Variants in ACAA1 observed in about 807,000 individuals in gnomAD.
ACAA1 encodes 3-ketoacyl-CoA thiolase, peroxisomal.
ACAA1 carries 44 observed loss-of-function variants against 48.8 expected under a neutral mutation model. That is an observed-to-expected ratio of 0.90 (90% CI 0.71 to 1.16). The LOEUF (loss-of-function observed/expected upper bound fraction) is 1.16, where lower values mean the gene tolerates loss of function less well. Among genes scored for constraint, ACAA1 ranks in the 50% most tolerant of loss-of-function variants. The pLI, the probability that ACAA1 is intolerant of heterozygous loss-of-function variation, is 0.00. For missense variants in ACAA1, 512 were observed against 562.3 expected (o/e 0.91, Z 0.90); for synonymous variants, 233 against 226.5 (o/e 1.03, Z -0.26).
At chr3:38,123,183 G>A in intron 11 of ACAA1, 61 bp from the exon 12 acceptor site, 1 of 1,529,540 alleles carries the variant, frequency 6.5e-7, no homozygotes, top group Non-Finnish European at 9.1e-7. Context: ...TCCAGACCAG[G>A]CTGACCCAGA....
chr3:38,125,585 C>T lies in ACAA1; in HGVS notation c.1179G>A (p.Glu393=). Residue 393 remains glutamate, a synonymous_variant, in exon 11 of 12, where the codon GAG becomes GAA. Transcript: ENST00000333167. The stretch of plus-strand genomic sequence containing the variant: ...CTTACCTCTTCCCACGGCGCTTCAG[C>T]TCATTGAGCAGCGTGATGACCTGTC... ...GARQVITLLN[E]LKRRGKRAYG... is the part of the protein sequence containing the mutation. 6.4e-7 allele frequency: 1 copy of T among 1,570,292 alleles called. No individual in the cohort carries two copies. The highest frequency in any genetic ancestry group is 8.6e-7 in the Non-Finnish European group (1 of 1,158,462).
intron 2 of ACAA1, among the ~76,000 whole-genome samples, chr3:38,135,560 G>A (rs552404395): frequency 3.7e-4 from 57 of 152,220 alleles, no homozygotes; most frequent in African/African-American, 1.4e-3. Flanking sequence ...GCTGTGCCTG[G>A]ATGTGCACAT....
At chr3:38,127,935 G>T in intron 6 of ACAA1, 69 bp from the exon 7 acceptor site, 1 of 1,546,812 alleles carries the variant, frequency 6.5e-7, no homozygotes, top group Non-Finnish European at 8.9e-7. Context: ...AGGCTGTAGA[G>T]CTGTGCTTGG....
At chr3:38,132,279 C>T in intron 3 of ACAA1, 1 of 226,616 alleles carries the variant, frequency 4.4e-6, no homozygotes, top group Non-Finnish European at 8.9e-6. Flanking sequence ...CAAGCACAGC[C>T]CAAAGGCAAG....
Position 38,125,848 on chromosome 3 carries a change from A to G in ACAA1, c.1031T>C (p.Ile344Thr), listed in dbSNP as rs750386233. 1 of 1,614,166 alleles carries G rather than the reference A, an allele frequency of 6.2e-7. No individual in the cohort carries two copies. Among genetic ancestry groups the G allele is most frequent in the East Asian group, 2.2e-5 (1 of 44,870 alleles). ...LTVSDVDIFE[I>T]NEAFASQAAY... ...CACCTGGCTTGCAAAGGCCTCATTG[A>G]TCTCGAAGATGTCCACGTCACTCAC... Residue 344 changes from isoleucine to threonine, a missense_variant, in exon 10 of 12, where the codon ATC becomes ACC. Transcript: ENST00000333167.
intron 2 of ACAA1, chr3:38,134,642 T>C: frequency 4.8e-6 from 2 of 420,068 alleles, no homozygotes; most frequent in Non-Finnish European, 9.6e-6. Context: ...TGTGCTATAT[T>C]GAATCAAGGT....
At position 38,126,224 on chromosome 3, in the gene ACAA1, A is replaced by T; in HGVS notation, c.935T>A (p.Val312Asp). 1 of 1,613,972 alleles carries T rather than the reference A, an allele frequency of 6.2e-7. No individual in the cohort carries two copies. The highest frequency in any genetic ancestry group is 8.5e-7 in the Non-Finnish European group (1 of 1,179,926). ...TCCAATGCCCATGATGTCAGGTGGGACCCCAACCACTGCATAAGACCTCAG... is the reference window on the plus strand; with the variant it reads ...TCCAATGCCCATGATGTCAGGTGGGTCCCCAACCACTGCATAAGACCTCAG... The part of the protein sequence containing the change: ...GVLRSYAVVG[V>D]PPDIMGIGPA... Residue 312 changes from valine (V) to aspartate (D), a missense_variant, in exon 9 of 12, where the codon GTC becomes GAC. Coordinates refer to ENST00000333167, the MANE Select transcript of ACAA1 (RefSeq NM_001607.4). This position sits in a 1 kb window ranked among gnomAD's most constrained non-coding sequence, Gnocchi z 4.7.
Position 38,129,503 on chromosome 3 carries a change from A to C in ACAA1, c.447-115T>G. The C allele has an allele frequency of 1.3e-6, 1 of 788,246 alleles. No homozygotes were observed. The highest frequency in any genetic ancestry group is 1.7e-5 in the South Asian group (1 of 58,526). 48.8% of individuals were successfully genotyped at this position (788,246 alleles called of 1,614,324 possible). On this transcript the variant is annotated intron_variant, in intron 5 of 11. Transcript: ENST00000333167. The surrounding 1 kb of genome is among the most constrained non-coding windows in gnomAD (Gnocchi z 5.3). The stretch of plus-strand genomic sequence containing the variant: ...GAAATAGCCAGGGAGCCCTAGGAAG[A>C]CCAGTGGGCCTCTGGGAGTCACAGG...
rs573982097 is a variant in ACAA1, at chr3:38,126,289, C to T, written c.870G>A (p.Arg290=). The change falls in exon 9 of 12, where the codon AGG becomes AGA. Residue 290 remains arginine (R), a synonymous_variant. Transcript: ENST00000333167. The surrounding 1 kb of genome is among the most constrained non-coding windows in gnomAD (Gnocchi z 4.7). ...GAAGGCCCAACTCTTCTGCCTTGGA[C>T]CTCCGGGCCAGCAGGATGGCAGCTG... The part of the protein sequence containing the change: ...DGAAAILLAR[R]SKAEELGLPI... 2.5e-6 allele frequency: 4 copies of T among 1,614,206 alleles called. No homozygotes were observed. Among genetic ancestry groups the T allele is most frequent in the Admixed American group, 1.7e-5 (1 of 60,030 alleles).
chr3:38,134,427 T>C (rs1700846906), intron 2 of ACAA1: 2 of 450,906 alleles, frequency 4.4e-6, no homozygotes, highest in African/African-American at 2.0e-5. Context: ...TCTTGCCATA[T>C]CATATTGCTG....
chr3:38,134,298 T>A (rs1207944736), intron 2 of ACAA1: 6 of 508,740 alleles, frequency 1.2e-5, no homozygotes, highest in Non-Finnish European at 1.4e-5. Context: ...CCCTTAAAAG[T>A]GAAATGGGAG....
Position 38,136,982 on chromosome 3 carries a change from G to C in ACAA1, c.54C>G (p.Gly18=). The change falls in exon 1 of 12, where the codon GGC becomes GGG. Residue 18 remains glycine (G), a synonymous_variant. Transcript: ENST00000333167. Reference sequence around the variant, plus strand: ...GGCAAGGCGCGGCCTGCGGCATCCAGCCGGAATCGGCCGGACCCCTCAGGT... The same window carrying C: ...GGCAAGGCGCGGCCTGCGGCATCCACCCGGAATCGGCCGGACCCCTCAGGT... The part of the protein sequence containing the change: ...LGHLRGPADS[G]WMPQAAPCLS... 6.4e-7 allele frequency: 1 copy of C among 1,560,190 alleles called. No homozygotes were observed. Among genetic ancestry groups the C allele is most frequent in the East Asian group, 2.4e-5 (1 of 41,206 alleles).
At position 38,127,810 on chromosome 3, in the gene ACAA1, G is replaced by T. The variant is rs530750505; in HGVS notation, c.602C>A (p.Thr201Asn). 2 of 1,614,012 alleles carry T rather than the reference G, an allele frequency of 1.2e-6. No homozygotes were observed. The highest frequency in any genetic ancestry group is 1.7e-6 in the Non-Finnish European group (2 of 1,180,040). The change falls in exon 7 of 12, where the codon ACC becomes AAC. Residue 201 changes from threonine to asparagine, a missense_variant. Physicochemically the swap from Thr to Asn is moderately conservative, Grantham distance 65. Transcript: ENST00000333167. ...RFGISREKQD[T>N]FALASQQKAA... ...CTTCTGCTGGGAAGCCAGGGCAAAG[G>T]TATCCTGCTTCTCCCGTGAAATGCC...
At chr3:38,131,310 G>T (rs1470366654) in intron 5 of ACAA1, among the ~76,000 whole-genome samples, 2 of 152,102 alleles carry the variant, frequency 1.3e-5, no homozygotes, top group East Asian at 3.8e-4. Context: ...CCAAATGCTG[G>T]ATTTTCTCAA....
rs750737711 is a variant in ACAA1, at chr3:38,129,406, G to T, written c.447-18C>A. On this transcript the variant is annotated intron_variant, in intron 5 of 11. Coordinates refer to ENST00000333167, the MANE Select transcript of ACAA1 (RefSeq NM_001607.4). This position sits in a 1 kb window ranked among gnomAD's most constrained non-coding sequence, Gnocchi z 5.3. Reference sequence around the variant, plus strand: ...ACTCCACCCTGGGGAGGAGGAAGAGGAGGAGAAGGTAAGGTGAACTGGGCC... The same window carrying T: ...ACTCCACCCTGGGGAGGAGGAAGAGTAGGAGAAGGTAAGGTGAACTGGGCC... The T allele has an allele frequency of 2.5e-6, 4 of 1,599,488 alleles. No homozygotes were observed. In the Admixed American group the frequency reaches 6.7e-5, roughly 27 times the overall value.
Position 38,136,992 on chromosome 3 carries a change from G to A in ACAA1, c.44C>T (p.Ala15Val), listed in dbSNP as rs1700920530. The A allele has an allele frequency of 2.0e-5, 31 of 1,563,662 alleles. No homozygotes were observed. The highest frequency in any genetic ancestry group is 2.7e-5 in the Non-Finnish European group (31 of 1,156,524). The change falls in exon 1 of 12, where the codon GCC becomes GTC. Residue 15 changes from alanine (A) to valine (V), a missense_variant. Coordinates refer to ENST00000333167, the MANE Select transcript of ACAA1 (RefSeq NM_001607.4). ...GGCCTGCGGCATCCAGCCGGAATCG[G>A]CCGGACCCCTCAGGTGGCCCAGCAC... Reference protein sequence around the residue: ...QVVLGHLRGPADSGWMPQAAP... With the variant: ...QVVLGHLRGPVDSGWMPQAAP...
At chr3:38,125,454 C>T in intron 11 of ACAA1, 111 bp downstream of exon 11, 1 of 1,347,062 alleles carries the variant, frequency 7.4e-7, no homozygotes, top group Non-Finnish European at 1.0e-6. Context: ...GTGCTCAGGA[C>T]TGTGTCTGTC....
chr3:38,130,591 A>G (rs966762194), intron 5 of ACAA1, among the ~76,000 whole-genome samples: 1 of 152,232 alleles, frequency 6.6e-6, no homozygotes, highest in African/African-American at 2.4e-5. Context: ...TTAATATCCT[A>G]GTACCATCAT....
chr3:38,136,892 G>A lies in ACAA1; in HGVS notation c.144C>T (p.Ile48=), dbSNP rs1161126367. 7.2e-6 allele frequency: 11 copies of A among 1,530,396 alleles called. No homozygotes were observed. Among genetic ancestry groups the A allele is most frequent in the Non-Finnish European group, 9.6e-6 (11 of 1,143,054 alleles). The allele number at this position is 1,530,396 out of a possible 1,614,324, so 94.8% of individuals were successfully genotyped here. The change falls in exon 1 of 12, where the codon ATC becomes ATT. Residue 48 remains isoleucine (I), a synonymous_variant. Transcript: ENST00000333167. ...VVVVHGRRTA[I]CRAGRGGFKD... is the part of the protein sequence containing the mutation. ...TGAAGCCGCCGCGGCCCGCCCGGCA[G>A]ATGGCCGTGCGCCGCCCGTGCACCA...
Sources: allele counts gnomAD v4.1 joint callset (sites outside exome capture counted in the v4.1 genomes callset), GRCh38; gene constraint gnomAD v4.1.1; non-coding constraint Gnocchi (gnomAD v3.1); transcripts MANE v1.5; gene names NCBI Gene and HGNC (gene_info 2026-07-23, HGNC 2026-07-21).